HMCES: variants seen among roughly 807,000 people sequenced by gnomAD.
The protein encoded by HMCES is 5-hydroxymethylcytosine binding, ES cell specific, also known as abasic site processing protein HMCES.
Under a neutral mutation model 35.1 loss-of-function variants are expected in HMCES, and 27 were observed. That is an observed-to-expected ratio of 0.77 (90% confidence interval 0.57 to 1.06). The LOEUF (loss-of-function observed/expected upper bound fraction) is 1.06. Among genes scored for constraint, HMCES ranks in the 50% least tolerant of loss-of-function variants. The pLI is 0.00. For synonymous variants in HMCES, 130 were observed against 154.7 expected (o/e 0.84, Z 1.18); for missense variants, 391 against 430.4 (o/e 0.91, Z 0.81).
At chr3:129,280,454 C>G (rs1940442431) in intron 2 of HMCES, among the ~76,000 whole-genome samples, 1 of 152,074 alleles carries the variant, frequency 6.6e-6, no homozygotes, top group African/African-American at 2.4e-5. Context: ...CATGGTTGTA[C>G]CACTGCACTC....
chr3:129,281,447 T>G (rs1334752405), intron 2 of HMCES, among the ~76,000 whole-genome samples: 6 of 151,868 alleles, frequency 4.0e-5, no homozygotes, highest in African/African-American at 1.5e-4. Context: ...TCCTAGCACT[T>G]TGGGAGGCCA....
At chr3:129,304,490 G>GT in intron 6 of HMCES, 99 bp from the exon 7 acceptor site, 1 of 991,204 alleles carries the variant, frequency 1.0e-6, no homozygotes, top group Non-Finnish European at 1.6e-6. Context: ...CCAAGCCTGG[G>GT]TAAGTACCTA....
rs757810964 is a variant in HMCES, at chr3:129,292,316, G to A, written c.453+1512G>A. ...TGGAAATAGTGTTACCGAGTAAAAG[G>A]GACTTGCTACCCAATGTGCTAGAAG... is the stretch of plus-strand genomic sequence containing the variant. On this transcript the variant is annotated intron_variant, in intron 4 of 6. Transcript: ENST00000383463. 2.6e-4 allele frequency among the ~76,000 whole-genome samples: 39 copies of A among 151,082 alleles called. No homozygotes were observed. The Middle Eastern group carries it at 0.017, about 67-fold the overall frequency.
At chr3:129,296,169 T>C (rs1216589060) in intron 4 of HMCES, among the ~76,000 whole-genome samples, 1 of 152,194 alleles carries the variant, frequency 6.6e-6, no homozygotes, top group African/African-American at 2.4e-5. Flanking sequence ...CAAACAATTC[T>C]GCCTCAGCCT....
chr3:129,280,715 G>A (rs1940450954), intron 2 of HMCES, among the ~76,000 whole-genome samples: 1 of 152,058 alleles, frequency 6.6e-6, no homozygotes, highest in African/African-American at 2.4e-5. Context: ...ATTTGGTTTG[G>A]TTATCTGAAG....
At chr3:129,296,110 G>T (rs953412127) in intron 4 of HMCES, among the ~76,000 whole-genome samples, 3 of 151,958 alleles carry the variant, frequency 2.0e-5, no homozygotes, top group Admixed American at 2.0e-4. Flanking sequence ...ACCCAAGCTG[G>T]AGTACAGTGG....
chr3:129,290,804 G>A lies in HMCES; in HGVS notation c.453G>A (p.Lys151=), dbSNP rs1163244955. 1.1e-5 allele frequency: 18 copies of A among 1,611,334 alleles called. No homozygotes were observed. Among genetic ancestry groups the A allele is most frequent in the Non-Finnish European group, 1.5e-5 (18 of 1,178,226 alleles). ...ATTTTCCTCAAATCAAGACAGAGAAGGTATCATTATCAGCATTCACAATAT... is the reference window on the plus strand; with the variant it reads ...ATTTTCCTCAAATCAAGACAGAGAAAGTATCATTATCAGCATTCACAATAT... ...FIYFPQIKTE[K]SGSIGAADSP... The change falls in exon 4 of 7, where the codon AAG becomes AAA. Residue 151 remains lysine (K), a splice_region_variant and synonymous_variant. Coordinates refer to ENST00000383463, the MANE Select transcript of HMCES (RefSeq NM_020187.3).
chr3:129,285,690 T>C (rs772335101), intron 2 of HMCES, among the ~76,000 whole-genome samples: 4 of 151,600 alleles, frequency 2.6e-5, no homozygotes, highest in Non-Finnish European at 5.9e-5. Context: ...CCTGACCTCA[T>C]GAGCCACCTG....
chr3:129,292,970 C>T (rs1236854879), intron 4 of HMCES, among the ~76,000 whole-genome samples: 1 of 152,142 alleles, frequency 6.6e-6, no homozygotes, highest in Non-Finnish European at 1.5e-5. Context: ...GCAGTTATCT[C>T]TTCCTGCCTC....
chr3:129,291,129 G>A (rs927926812), intron 4 of HMCES, among the ~76,000 whole-genome samples: 1 of 152,050 alleles, frequency 6.6e-6, no homozygotes, highest in Non-Finnish European at 1.5e-5. Context: ...TTGAACCCAC[G>A]AGATAGAGGC....
chr3:129,301,049 G>A (rs546240494), intron 5 of HMCES, among the ~76,000 whole-genome samples: 28 of 120,316 alleles, frequency 2.3e-4, no homozygotes, highest in African/African-American at 3.7e-4. Flanking sequence ...AAAATTAGCC[G>A]GGCATGGTGG....
In HMCES at chr3:129,279,779, G is replaced by A. The variant is rs772347703; in HGVS notation, c.47G>A (p.Arg16Lys). 6.2e-7 allele frequency: 1 copy of A among 1,613,568 alleles called. No individual in the cohort carries two copies. Among genetic ancestry groups the A allele is most frequent in the East Asian group, 2.2e-5 (1 of 44,856 alleles). The change falls in exon 2 of 7, where the codon AGA becomes AAA. Residue 16 changes from arginine (R) to lysine (K), a missense_variant. By Grantham distance (26) the Arg-to-Lys change is conservative (BLOSUM62 2). Transcript: ENST00000383463. This position sits in a 1 kb window ranked among gnomAD's most constrained non-coding sequence, Gnocchi z 4.2. ...SCHLPRDVLT[R>K]ACAYQDRRGQ... ...CACTTACCTAGAGATGTTCTCACGAGAGCTTGCGCCTACCAGGATCGGCGG... is the reference window on the plus strand; with the variant it reads ...CACTTACCTAGAGATGTTCTCACGAAAGCTTGCGCCTACCAGGATCGGCGG...
intron 3 of HMCES, among the ~76,000 whole-genome samples, chr3:129,289,543 T>G (rs996084385): frequency 6.7e-6 from 1 of 149,846 alleles, no homozygotes; most frequent in African/African-American, 2.4e-5. Context: ...TATTGTTTAA[T>G]TTTTTTTTTT....
At chr3:129,284,977 G>A (rs60590678) in intron 2 of HMCES, among the ~76,000 whole-genome samples, 18,657 of 152,102 alleles carry the variant, frequency 0.12, 1,265 homozygotes, top group Middle Eastern at 0.23. Flanking sequence ...GATTTTATCA[G>A]CAGCACTATG....
chr3:129,288,746 C>A, intron 2 of HMCES, 108 bp from the exon 3 acceptor site: 1 of 920,774 alleles, frequency 1.1e-6, no homozygotes, highest in Non-Finnish European at 1.5e-6. Context: ...TAAAAATAAT[C>A]TTGAATTCTT....
rs547181810 is a variant in HMCES, at chr3:129,299,920, C to T, written c.635+1385C>T. 1.1e-3 allele frequency among the ~76,000 whole-genome samples: 169 copies of T among 151,538 alleles called. 2 individuals carry two copies. Among genetic ancestry groups the T allele is most frequent in the African/African-American group, 3.2e-3 (132 of 41,402 alleles). On this transcript the variant is annotated intron_variant, in intron 5 of 6. Transcript: ENST00000383463. ...CTGGGATTACAGGTGTGAGCCACCGCGCCTGGCTGGAGTACTTCTTGAAGT... is the reference window on the plus strand; with the variant it reads ...CTGGGATTACAGGTGTGAGCCACCGTGCCTGGCTGGAGTACTTCTTGAAGT...
intron 2 of HMCES, among the ~76,000 whole-genome samples, chr3:129,283,371 G>T (rs1217407880): frequency 1.4e-5 from 2 of 146,968 alleles, no homozygotes; most frequent in Admixed American, 6.9e-5. Context: ...TTGCTGTGTT[G>T]CCCAGGCTGG....
intron 2 of HMCES, among the ~76,000 whole-genome samples, chr3:129,287,200 T>C (rs990645749): frequency 6.7e-6 from 1 of 150,234 alleles, no homozygotes; most frequent in African/African-American, 2.5e-5. Flanking sequence ...TTTTGTTTTT[T>C]TTTGTGGGGT....
chr3:129,298,398 A>G lies in HMCES; in HGVS notation c.498A>G (p.Lys166=), dbSNP rs779478119. ...CAGATAGTCCTGAGAACTGGGAGAAAGTCTGGGACAACTGGAGGCTGCTGA... is the reference window on the plus strand; with the variant it reads ...CAGATAGTCCTGAGAACTGGGAGAAGGTCTGGGACAACTGGAGGCTGCTGA... ...GAADSPENWE[K]VWDNWRLLTM... Residue 166 remains lysine, a synonymous_variant, in exon 5 of 7, where the codon AAA becomes AAG. Coordinates refer to ENST00000383463, the MANE Select transcript of HMCES (RefSeq NM_020187.3). The G allele has an allele frequency of 1.9e-6, 3 of 1,614,206 alleles. No individual in the cohort carries two copies. The Admixed American group carries it at 5.0e-5, about 27-fold the overall frequency.
Sources: gnomAD v4.1 joint callset for allele counts (sites outside exome capture counted in the v4.1 genomes callset) on GRCh38, gnomAD v4.1.1 for gene constraint, Gnocchi (gnomAD v3.1) non-coding constraint, MANE v1.5 for transcripts, NCBI Gene and HGNC (gene_info 2026-07-23, HGNC 2026-07-21) for gene names.